LDAH: variants seen among roughly 807,000 people sequenced by gnomAD.
LDAH encodes the protein lipid droplet associated hydrolase, also known as lipid droplet-associated hydrolase.
In LDAH, 26 loss-of-function variants were observed where a neutral mutation model predicts 29.6. The ratio of observed to expected loss-of-function variants is 0.88; its 90% CI spans 0.64 to 1.22. LDAH has a LOEUF of 1.22. LDAH is among the 50% of genes most tolerant of loss of function. The probability of loss-of-function intolerance (pLI) is 0.00; values close to 1 mark genes in which losing one functional copy is unlikely to be tolerated. For synonymous variants in LDAH, 117 were observed against 133.0 expected, an observed-to-expected ratio of 0.88 and a Z score of 0.83; for missense variants, 344 against 387.3, an observed-to-expected ratio of 0.89 and a Z score of 0.94.
rs2149318456 is a variant in LDAH, at chr2:20,685,840, G to C, written c.*1063C>G. 1.6e-6 allele frequency: 1 copy of C among 623,968 alleles called. No homozygotes were observed. Among genetic ancestry groups the C allele is most frequent in the East Asian group, 3.4e-5 (1 of 29,786 alleles). 38.7% of individuals were successfully genotyped at this position (623,968 alleles called of 1,614,324 possible). A position where few individuals can be genotyped will look rare whatever the true frequency, so the allele number is the denominator to read the frequency against. ...GGTGAATTCACATAACTTAATGGCT[G>C]GGTTTGGTTCATTAACAAAATAATT... On this transcript the variant is annotated 3_prime_UTR_variant, in exon 7 of 7. Coordinates refer to ENST00000237822, the MANE Select transcript of LDAH (RefSeq NM_021925.4).
intron 3 of LDAH, among the ~76,000 whole-genome samples, chr2:20,786,214 G>A (rs1376212901): frequency 6.6e-6 from 1 of 152,062 alleles, no homozygotes; most frequent in African/African-American, 2.4e-5. Flanking sequence ...TTTTAAGATA[G>A]GGTCTCACTC....
chr2:20,813,490 G>A (rs1672643593), intron 1 of LDAH, among the ~76,000 whole-genome samples: 1 of 152,044 alleles, frequency 6.6e-6, no homozygotes, highest in Admixed American at 6.5e-5. Context: ...CATCTCCCTG[G>A]TGCCAAGCAC....
intron 3 of LDAH, among the ~76,000 whole-genome samples, chr2:20,783,575 C>G (rs964749230): frequency 2.6e-5 from 4 of 152,130 alleles, no homozygotes; most frequent in Admixed American, 2.6e-4. Context: ...TTTTCTGAAG[C>G]CTGCTTTGTC....
At chr2:20,799,297 C>T (rs868793736) in intron 2 of LDAH, among the ~76,000 whole-genome samples, 3 of 151,962 alleles carry the variant, frequency 2.0e-5, no homozygotes, top group African/African-American at 2.4e-5. Context: ...AAAGTGGTTG[C>T]CTCTGAGAAC....
intron 4 of LDAH, among the ~76,000 whole-genome samples, chr2:20,759,674 A>T (rs779439320): frequency 5.9e-5 from 9 of 152,182 alleles, no homozygotes; most frequent in Non-Finnish European, 2.9e-5. Context: ...CAAAAGCCAA[A>T]AAGAGGCAAT....
At chr2:20,777,521 T>C (rs1284251580) in intron 3 of LDAH, among the ~76,000 whole-genome samples, 1 of 151,912 alleles carries the variant, frequency 6.6e-6, no homozygotes, top group Non-Finnish European at 1.5e-5. Context: ...GCCTCCCGGG[T>C]TCAAGCAATT....
At chr2:20,771,774 GCA>G (rs1558462928) in intron 4 of LDAH, among the ~76,000 whole-genome samples, 3 of 842 alleles carry the variant, frequency 3.6e-3, no homozygotes, top group African/African-American at 5.0e-3. Context: ...ACAATTTATT[GCA>G]CACATTATTT....
At chr2:20,764,363 C>T (rs139296847) in intron 4 of LDAH, among the ~76,000 whole-genome samples, 6 of 152,180 alleles carry the variant, frequency 3.9e-5, no homozygotes, top group African/African-American at 1.2e-4. Context: ...GTGTTTTTCA[C>T]GCAGCAGGAT....
chr2:20,803,410 C>G (rs931404552), intron 1 of LDAH, among the ~76,000 whole-genome samples: 2 of 152,220 alleles, frequency 1.3e-5, no homozygotes, highest in Non-Finnish European at 2.9e-5. Flanking sequence ...AGCCAGCCAC[C>G]TGACCTTTGT....
chr2:20,689,059 A>G (rs992469778), intron 6 of LDAH, among the ~76,000 whole-genome samples: 1 of 150,536 alleles, frequency 6.6e-6, no homozygotes, highest in Non-Finnish European at 1.5e-5. Context: ...TCATTGTTCA[A>G]CTCCCACTTA....
chr2:20,780,412 A>T (rs1447227515), intron 3 of LDAH, among the ~76,000 whole-genome samples: 4 of 152,112 alleles, frequency 2.6e-5, no homozygotes, highest in Admixed American at 6.5e-5. Context: ...GCAAACAATA[A>T]AAGAAAAAGG....
rs371220956 is a variant in LDAH at position 20,790,349 on chromosome 2, G to A, written c.204C>T (p.Tyr68=). The A allele has an allele frequency of 1.2e-6, 2 of 1,613,984 alleles. No homozygotes were observed. The highest frequency in any genetic ancestry group is 2.2e-5 in the East Asian group (1 of 44,896). The change falls in exon 3 of 7, where the codon TAC becomes TAT. Residue 68 remains tyrosine (Y), a synonymous_variant. Transcript: ENST00000237822. The part of the protein sequence containing the change: ...AFYVPFAKAL[Y]SLTNRRFPVW... ...CTGGAAAGCGTCTGTTTGTCAAAGA[G>A]TATAAAGCCTTTGCAAATGGCACAT...
chr2:20,774,749 G>T, intron 4 of LDAH, 61 bp downstream of exon 4: 1 of 1,501,412 alleles, frequency 6.7e-7, no homozygotes, highest in Non-Finnish European at 9.2e-7. Context: ...TAGGAAAGGT[G>T]AGGAGGATTT....
At chr2:20,702,613 A>G (rs1262103782) in intron 5 of LDAH, among the ~76,000 whole-genome samples, 1 of 152,084 alleles carries the variant, frequency 6.6e-6, no homozygotes, top group Non-Finnish European at 1.5e-5. Context: ...GGATTTAACA[A>G]ATTTCTTTTC....
chr2:20,700,375 A>G (rs1663838704), intron 6 of LDAH, among the ~76,000 whole-genome samples: 1 of 152,122 alleles, frequency 6.6e-6, no homozygotes, highest in African/African-American at 2.4e-5. Flanking sequence ...CTGGGTGAAT[A>G]TTTTCAATAT....
rs567261678 is a variant in LDAH, at chr2:20,762,806, C to T, written c.468+12004G>A. 1.4e-3 allele frequency among the ~76,000 whole-genome samples: 218 copies of T among 152,266 alleles called. 4 individuals carry two copies. The South Asian group carries it at 0.042, about 29-fold the overall frequency. ...CTAAGCTAAAAGGATTAGCTAAAGG[C>T]CCACATACTACAGACTAGTGACTTC... On this transcript the variant is annotated intron_variant, in intron 4 of 6. Coordinates refer to ENST00000237822, the MANE Select transcript of LDAH (RefSeq NM_021925.4).
intron 1 of LDAH, among the ~76,000 whole-genome samples, chr2:20,811,457 A>T (rs1470183930): frequency 1.3e-5 from 2 of 151,732 alleles, no homozygotes; most frequent in East Asian, 3.9e-4. Flanking sequence ...TAAAAGGCAG[A>T]GGGACTGGAT....
intron 4 of LDAH, among the ~76,000 whole-genome samples, chr2:20,746,488 A>G (rs1485484436): frequency 1.3e-5 from 2 of 152,196 alleles, no homozygotes; most frequent in Non-Finnish European, 2.9e-5. Context: ...GTAAAAATAT[A>G]AGAAGACCAA....
chr2:20,738,256 T>TAATAATAATAAC, intron 5 of LDAH, among the ~76,000 whole-genome samples: 1 of 34,086 alleles, frequency 2.9e-5, no homozygotes, highest in South Asian at 1.8e-3. Context: ...CATCTCAAAA[T>TAATAATAATAAC]AATAATAATA....
Sources: allele counts gnomAD v4.1 joint callset (sites outside exome capture counted in the v4.1 genomes callset), GRCh38; gene constraint gnomAD v4.1.1; transcripts MANE v1.5; gene names NCBI Gene and HGNC (gene_info 2026-07-23, HGNC 2026-07-21).